Variants in ABCC5 observed in about 807,000 individuals in gnomAD.
ABCC5 encodes ATP-binding cassette sub-family C member 5.
Under a neutral mutation model 160.9 loss-of-function variants are expected in ABCC5, and 61 were observed. That is an observed-to-expected ratio of 0.38 (90% CI 0.31 to 0.47). The LOEUF is 0.47. ABCC5 is among the 20% of genes least tolerant of loss of function. The pLI is 0.99. For missense variants in ABCC5, 1,308 were observed against 1,813.3 expected, an observed-to-expected ratio of 0.72 and a Z score of 5.06; for synonymous variants, 666 against 700.6, an observed-to-expected ratio of 0.95 and a Z score of 0.78.
intron 2 of ABCC5, among the ~76,000 whole-genome samples, chr3:183,994,861 T>C (rs915519983): frequency 4.0e-5 from 6 of 151,744 alleles, no homozygotes; most frequent in African/African-American, 1.4e-4. Context: ...CTATGTTTTT[T>C]TTTTTTTTTT....
At chr3:183,961,856 T>C (rs1471991913) in intron 15 of ABCC5, among the ~76,000 whole-genome samples, 2 of 152,194 alleles carry the variant, frequency 1.3e-5, no homozygotes. Context: ...CTCGGTTCAC[T>C]GCAATCTCCG....
At chr3:183,979,173 C>T (rs569161896) in intron 8 of ABCC5, among the ~76,000 whole-genome samples, 3 of 152,214 alleles carry the variant, frequency 2.0e-5, no homozygotes, top group Admixed American at 6.5e-5. Flanking sequence ...GGCAAAACCC[C>T]GTCCCTGCTA....
rs1719482212 is a variant in ABCC5, at chr3:183,988,974, G to A, written c.288-247C>T. ...AGGTCAGGAGATTGAGACTATCCTG[G>A]CCAATATGGTGTAACCCCGTCTCTA... is the stretch of plus-strand genomic sequence containing the variant. On this transcript the variant is annotated intron_variant, in intron 3 of 29. Transcript: ENST00000334444. The surrounding 1 kb of genome is among the most constrained non-coding windows in gnomAD (Gnocchi z 4.4). Among the ~76,000 whole-genome samples, 3 of 151,852 alleles carry A rather than the reference G, an allele frequency of 2.0e-5. No individual in the cohort carries two copies. The highest frequency in any genetic ancestry group is 2.0e-4 in the Admixed American group (3 of 15,242).
intron 5 of ABCC5, among the ~76,000 whole-genome samples, chr3:183,983,274 A>G (rs1439404978): frequency 6.6e-6 from 1 of 152,256 alleles, no homozygotes; most frequent in Non-Finnish European, 1.5e-5. Context: ...AAACCTATCA[A>G]TGAGCTGAAA....
At chr3:184,012,191 A>G (rs1200426231) in intron 2 of ABCC5, among the ~76,000 whole-genome samples, 1 of 152,122 alleles carries the variant, frequency 6.6e-6, no homozygotes, top group Non-Finnish European at 1.5e-5. Flanking sequence ...GGATCTCTAT[A>G]TTATTTTTTA....
chr3:183,946,002 G>A, intron 23 of ABCC5, 63 bp from the exon 24 acceptor site: 1 of 1,459,504 alleles, frequency 6.9e-7, no homozygotes, highest in South Asian at 1.1e-5. Flanking sequence ...GGCCAATGCT[G>A]GAGAACTTCC....
intron 2 of ABCC5, among the ~76,000 whole-genome samples, chr3:183,990,480 T>G (rs1055665881): frequency 1.3e-5 from 2 of 152,222 alleles, no homozygotes; most frequent in African/African-American, 4.8e-5. Context: ...TGTTTCCCAA[T>G]ATGGATTGAG....
At position 183,939,646 on chromosome 3, in the gene ABCC5, C is replaced by T. The variant is rs551598043; in HGVS notation, c.3695-1586G>A. ...ACTTTACTGCCACCTCAGACAATTT[C>T]CTTGGGAAAGAATCTTAGAACTGAA... On this transcript the variant is annotated intron_variant, in intron 25 of 29. Transcript: ENST00000334444. 2.3e-4 allele frequency among the ~76,000 whole-genome samples: 35 copies of T among 152,252 alleles called. No homozygotes were observed. In the South Asian group the frequency reaches 6.8e-3, roughly 30 times the overall value.
chr3:183,965,551 C>A, intron 12 of ABCC5, 50 bp from the exon 13 acceptor site: 1 of 1,603,122 alleles, frequency 6.2e-7, no homozygotes. Context: ...AACCATCACC[C>A]TATGCCAACG....
intron 29 of ABCC5, among the ~76,000 whole-genome samples, chr3:183,923,153 G>A (rs1712172088): frequency 6.6e-6 from 1 of 151,194 alleles, no homozygotes; most frequent in Admixed American, 6.6e-5. Flanking sequence ...TGCTTTTCTG[G>A]TGTGTGTGTG....
In ABCC5 at chr3:183,982,673, T is replaced by G; in HGVS notation, c.826-49A>C. 1.2e-6 allele frequency: 2 copies of G among 1,609,572 alleles called. No individual in the cohort carries two copies. The highest frequency in any genetic ancestry group is 2.2e-5 in the East Asian group (1 of 44,824). On this transcript the variant is annotated intron_variant, in intron 6 of 29. Coordinates refer to ENST00000334444, the MANE Select transcript of ABCC5 (RefSeq NM_005688.4). The surrounding 1 kb of genome is among the most constrained non-coding windows in gnomAD (Gnocchi z 5.2). ...GGGGACCCTGCAAGGACACGGTTCA[T>G]TTGTCTCAGGAGGAAGATAAAGGAT...
At position 183,963,330 on chromosome 3, in the gene ABCC5, CCT is replaced by C; in HGVS notation, c.2235+53_2235+54del. The C allele has an allele frequency of 6.3e-7, 1 of 1,580,430 alleles. No homozygotes were observed. Among genetic ancestry groups the C allele is most frequent in the Non-Finnish European group, 8.7e-7 (1 of 1,149,476 alleles). ...AGGATACCTGGAGCAAACCTACCTCCCTGTTTCTGATTTCCCAAACTCAGGCA... is the reference window on the plus strand; with the variant it reads ...AGGATACCTGGAGCAAACCTACCTCCGTTTCTGATTTCCCAAACTCAGGCA... On this transcript the variant is annotated intron_variant, in intron 15 of 29. Transcript: ENST00000334444. The surrounding 1 kb of genome is among the most constrained non-coding windows in gnomAD (Gnocchi z 4.6).
intron 25 of ABCC5, 44 bp from the exon 26 acceptor site, chr3:183,938,104 T>C (rs1487908283): frequency 3.1e-6 from 5 of 1,600,976 alleles, no homozygotes; most frequent in Non-Finnish European, 4.3e-6. Context: ...GTTAGCAAAG[T>C]CTGTGAGGAC....
At chr3:183,964,082 T>C (rs1224826399) in intron 14 of ABCC5, among the ~76,000 whole-genome samples, 1 of 152,236 alleles carries the variant, frequency 6.6e-6, no homozygotes, top group African/African-American at 2.4e-5. Context: ...TTTGAAATTA[T>C]GTGTATACTA....
At chr3:184,001,216 G>A (rs949115426) in intron 2 of ABCC5, 8 of 534,226 alleles carry the variant, frequency 1.5e-5, no homozygotes, top group African/African-American at 5.7e-5. Context: ...TCATGCCACC[G>A]CACTACAGTC....
intron 24 of ABCC5, among the ~76,000 whole-genome samples, chr3:183,943,486 G>A (rs1050598501): frequency 1.3e-5 from 2 of 152,112 alleles, no homozygotes; most frequent in African/African-American, 2.4e-5. Flanking sequence ...TGCAAATTGT[G>A]GGGACTGGAT....
At position 183,945,876 on chromosome 3, in the gene ABCC5, C is replaced by T. The variant is rs564665731; in HGVS notation, c.3478G>A (p.Val1160Met). 3 of 1,614,116 alleles carry T rather than the reference C, an allele frequency of 1.9e-6. No homozygotes were observed. The highest frequency in any genetic ancestry group is 2.7e-5 in the African/African-American group (2 of 75,044). The change falls in exon 24 of 30, where the codon GTG becomes ATG. Residue 1160 changes from valine to methionine, a missense_variant. Around this residue, in one of 3 missense-constraint regions of ABCC5, gnomAD observed 1,142 missense variants for 1,527.1 expected, o/e 0.75. Coordinates refer to ENST00000334444, the MANE Select transcript of ABCC5 (RefSeq NM_005688.4). ...TTAATGTAGTGATTGATCCTCTCCA[C>T]CGAGGTGAATCGAGCTTCTGTCTCA... The part of the protein sequence containing the change: ...ASETEARFTS[V>M]ERINHYIKTL...
At chr3:183,993,362 T>C (rs55714546) in intron 2 of ABCC5, among the ~76,000 whole-genome samples, 34,823 of 151,592 alleles carry the variant, frequency 0.23, 4,945 homozygotes, top group Middle Eastern at 0.33. Flanking sequence ...CACACACCTA[T>C]AGTCCCAGAT....
rs1369354967 is a variant in ABCC5, at chr3:183,987,745, G to A, written c.591+25C>T. On this transcript the variant is annotated intron_variant, in intron 5 of 29. Coordinates refer to ENST00000334444, the MANE Select transcript of ABCC5 (RefSeq NM_005688.4). This position sits in a 1 kb window ranked among gnomAD's most constrained non-coding sequence, Gnocchi z 4.2. Reference sequence around the variant, plus strand: ...GGCCGTGGCCGGGCCCCTGGAGACTGTCGGAAAGGATGGTTAGAACTTACT... The same window carrying A: ...GGCCGTGGCCGGGCCCCTGGAGACTATCGGAAAGGATGGTTAGAACTTACT... The A allele has an allele frequency of 2.6e-5, 42 of 1,614,010 alleles. No individual in the cohort carries two copies. The highest frequency in any genetic ancestry group is 3.4e-5 in the Non-Finnish European group (40 of 1,180,024).
Sources: gnomAD v4.1 joint callset for allele counts (sites outside exome capture counted in the v4.1 genomes callset) on GRCh38, gnomAD v4.1.1 for gene constraint, gnomAD v4.1.1 regional missense constraint, Gnocchi (gnomAD v3.1) non-coding constraint, MANE v1.5 for transcripts, NCBI Gene and HGNC (gene_info 2026-07-23, HGNC 2026-07-21) for gene names.